CUX2: variants seen among roughly 807,000 people sequenced by gnomAD.
The protein encoded by CUX2 is cut like homeobox 2.
CUX2 carries 40 observed loss-of-function variants against 144.8 expected under a neutral mutation model. The ratio of observed to expected loss-of-function variants is 0.28; its 90% CI spans 0.21 to 0.36. The LOEUF is 0.36. Among genes scored for constraint, CUX2 ranks in the 10% least tolerant of loss-of-function variants. The pLI is 1.00. For missense variants in CUX2, 1,615 were observed against 1,994.0 expected (o/e 0.81, Z 3.62); for synonymous variants, 827 against 875.6 (o/e 0.94, Z 0.98).
Position 111,190,554 on chromosome 12 carries a change from CCT to C in CUX2, c.64-23643_64-23642del, listed in dbSNP as rs921807636. Among the ~76,000 whole-genome samples, 26 of 152,188 alleles carry C rather than the reference CCT, an allele frequency of 1.7e-4. No individual in the cohort carries two copies. The highest frequency in any genetic ancestry group is 6.3e-3 in the Middle Eastern group (2 of 316). ...ATGGTCTTCCTTTTGCATTTTCCCACCTCTTGATGCTTTTTGACTATGAGATG... is the reference window on the plus strand; with the variant it reads ...ATGGTCTTCCTTTTGCATTTTCCCACCTTGATGCTTTTTGACTATGAGATG... On this transcript the variant is annotated intron_variant, in intron 1 of 21. Transcript: ENST00000261726. This position sits in a 1 kb window ranked among gnomAD's most constrained non-coding sequence, Gnocchi z 4.0.
intron 21 of CUX2, among the ~76,000 whole-genome samples, chr12:111,346,829 T>G (rs1003656546): frequency 6.6e-6 from 1 of 152,114 alleles, no homozygotes; most frequent in Non-Finnish European, 1.5e-5. Context: ...CTGGCCAACA[T>G]AGCAAAACAC....
At chr12:111,335,792 A>T (rs1018638761) in intron 19 of CUX2, among the ~76,000 whole-genome samples, 1 of 152,138 alleles carries the variant, frequency 6.6e-6, no homozygotes, top group Non-Finnish European at 1.5e-5. Context: ...GAATGCCTAT[A>T]GTCCTCAGGA....
chr12:111,296,614 G>T, intron 8 of CUX2, 75 bp downstream of exon 8: 1 of 1,381,266 alleles, frequency 7.2e-7, no homozygotes, highest in South Asian at 1.2e-5. Context: ...TGACCCTCCA[G>T]TACTTGCCTC....
chr12:111,099,611 T>C (rs1004954123), intron 1 of CUX2: 2 of 456,552 alleles, frequency 4.4e-6, no homozygotes, highest in African/African-American at 4.0e-5. Context: ...GAGAACAGGA[T>C]TGGACCTGCA....
Position 111,295,334 on chromosome 12 carries a change from G to C in CUX2, c.562G>C (p.Gly188Arg). The C allele has an allele frequency of 3.7e-6, 6 of 1,612,578 alleles. No homozygotes were observed. Among genetic ancestry groups the C allele is most frequent in the Non-Finnish European group, 5.1e-6 (6 of 1,179,448 alleles). Residue 188 changes from glycine to arginine, a missense_variant and splice_region_variant, in exon 7 of 22, where the codon GGC (glycine) becomes CGC (arginine). Physicochemically the swap from Gly to Arg is moderately radical, Grantham distance 125. Transcript: ENST00000261726. This position sits in a 1 kb window ranked among gnomAD's most constrained non-coding sequence, Gnocchi z 5.0. Reference sequence around the variant, plus strand: ...CAAGCAGGCCTCGTCTCTCCGCAGGGGCCTTCAAGAAGTACAGATCACTTT... The same window carrying C: ...CAAGCAGGCCTCGTCTCTCCGCAGGCGCCTTCAAGAAGTACAGATCACTTT... ...LQRNEAEKQK[G>R]LQEVQITLAA...
chr12:111,274,831 C>T (rs868713137), intron 4 of CUX2, among the ~76,000 whole-genome samples: 20 of 152,118 alleles, frequency 1.3e-4, no homozygotes, highest in African/African-American at 4.3e-4. Context: ...TTCTAAACAG[C>T]CTCTCGGACA....
intron 3 of CUX2, among the ~76,000 whole-genome samples, chr12:111,220,335 C>G (rs1215043752): frequency 1.3e-5 from 2 of 152,032 alleles, no homozygotes; most frequent in African/African-American, 4.8e-5. Flanking sequence ...ACTTTCCTAA[C>G]TAGGTGTTGA....
chr12:111,034,262 C>G lies in CUX2; in HGVS notation c.63+22C>G. On this transcript the variant is annotated intron_variant, in intron 1 of 21. Transcript: ENST00000261726. This position sits in a 1 kb window ranked among gnomAD's most constrained non-coding sequence, Gnocchi z 4.2. ...CCAGGTTAGTGCGGGCAGCGCCGGC[C>G]GCGCGGCCGTGAGGAGCCCCCGGGC... is the stretch of plus-strand genomic sequence containing the variant. 1 of 1,328,696 alleles carries G rather than the reference C, an allele frequency of 7.5e-7. No individual in the cohort carries two copies. Among genetic ancestry groups the G allele is most frequent in the Non-Finnish European group, 9.9e-7 (1 of 1,007,038 alleles). The allele number at this position is 1,328,696 out of a possible 1,614,324, so 82.3% of individuals were successfully genotyped here.
chr12:111,221,891 G>C (rs988947265), intron 3 of CUX2, among the ~76,000 whole-genome samples: 3 of 152,094 alleles, frequency 2.0e-5, no homozygotes, highest in Admixed American at 2.0e-4. Context: ...TGCCTTGATT[G>C]CTTAAAGGAC....
rs558678454 is a variant in CUX2, at chr12:111,224,427, G to A, written c.222+6490G>A. Among the ~76,000 whole-genome samples, 96 of 149,804 alleles carry A rather than the reference G, an allele frequency of 6.4e-4. 1 individual carries two copies. Among genetic ancestry groups the A allele is most frequent in the Admixed American group, 3.0e-3 (45 of 15,046 alleles). On this transcript the variant is annotated intron_variant, in intron 3 of 21. Transcript: ENST00000261726. Reference sequence around the variant, plus strand: ...GCCCCCACCCAGCCCCATGTGCTGCGTCCTTCTTTGGTTCCTGTGCCCCCC... The same window carrying A: ...GCCCCCACCCAGCCCCATGTGCTGCATCCTTCTTTGGTTCCTGTGCCCCCC...
chr12:111,283,048 A>G (rs998830242), intron 4 of CUX2, among the ~76,000 whole-genome samples: 2 of 151,650 alleles, frequency 1.3e-5, no homozygotes, highest in Admixed American at 1.3e-4. Flanking sequence ...CCCTGTCTCT[A>G]CTAAAAATAC....
At chr12:111,108,242 C>T (rs1873729741) in intron 1 of CUX2, among the ~76,000 whole-genome samples, 1 of 152,136 alleles carries the variant, frequency 6.6e-6, no homozygotes, top group South Asian at 2.1e-4. Context: ...TGCATTGGAT[C>T]AGGAGGCACC....
chr12:111,263,879 C>T lies in CUX2; in HGVS notation c.301+40C>T. On this transcript the variant is annotated intron_variant, in intron 4 of 21. Coordinates refer to ENST00000261726, the MANE Select transcript of CUX2 (RefSeq NM_015267.4). This position sits in a 1 kb window ranked among gnomAD's most constrained non-coding sequence, Gnocchi z 4.0. The stretch of plus-strand genomic sequence containing the variant: ...GGCTCCGTAATTGAATAGTTAACGA[C>T]AATAAATAGCCATTAGGACTGTGAC... The T allele has an allele frequency of 6.5e-7, 1 of 1,542,710 alleles. No homozygotes were observed. The highest frequency in any genetic ancestry group is 9.0e-7 in the Non-Finnish European group (1 of 1,115,244).
intron 1 of CUX2, among the ~76,000 whole-genome samples, chr12:111,155,804 G>A (rs1337686215): frequency 2.0e-5 from 3 of 151,992 alleles, no homozygotes; most frequent in African/African-American, 7.2e-5. Flanking sequence ...TTAGCGTTTG[G>A]TATTGAATTA....
intron 4 of CUX2, among the ~76,000 whole-genome samples, chr12:111,283,539 G>C (rs1018718641): frequency 5.9e-5 from 9 of 152,174 alleles, no homozygotes; most frequent in Non-Finnish European, 1.0e-4. Flanking sequence ...GGCGTGCTCA[G>C]ATAACCCCAG....
At chr12:111,230,374 C>T (rs1389634888) in intron 3 of CUX2, among the ~76,000 whole-genome samples, 5 of 152,130 alleles carry the variant, frequency 3.3e-5, no homozygotes, top group Admixed American at 1.3e-4. Flanking sequence ...TCAGTGTGGT[C>T]ACCAGGCCAG....
intron 4 of CUX2, among the ~76,000 whole-genome samples, chr12:111,283,015 C>A (rs1885197053): frequency 6.6e-6 from 1 of 151,900 alleles, no homozygotes; most frequent in Non-Finnish European, 1.5e-5. Context: ...GAGTTAGACA[C>A]CAGCCTGGCC....
rs750116675 is a variant in CUX2, at chr12:111,348,079, C to A, written c.4215C>A (p.Gly1405=). The change falls in exon 22 of 22, where the codon GGC becomes GGA. Residue 1405 remains glycine (G), a synonymous_variant. Coordinates refer to ENST00000261726, the MANE Select transcript of CUX2 (RefSeq NM_015267.4). The part of the protein sequence containing the change: ...LNSPSAASSP[G]LMMSVSPVPS... The stretch of plus-strand genomic sequence containing the variant: ...CGCCCTCGGCCGCCTCCTCACCAGG[C>A]CTCATGATGTCTGTGTCACCTGTCC... The A allele has an allele frequency of 1.2e-6, 2 of 1,613,990 alleles. No homozygotes were observed. The highest frequency in any genetic ancestry group is 1.3e-5 in the African/African-American group (1 of 74,896).
At chr12:111,098,414 AAAG>A (rs1316703993) in intron 1 of CUX2, among the ~76,000 whole-genome samples, 1 of 152,046 alleles carries the variant, frequency 6.6e-6, no homozygotes, top group African/African-American at 2.4e-5. Flanking sequence ...AAAAAAAAAA[AAAG>A]AACTGAGTGG....
Sources: gnomAD v4.1 joint callset for allele counts (sites outside exome capture counted in the v4.1 genomes callset) on GRCh38, gnomAD v4.1.1 for gene constraint, Gnocchi (gnomAD v3.1) non-coding constraint, MANE v1.5 for transcripts, NCBI Gene and HGNC (gene_info 2026-07-23, HGNC 2026-07-21) for gene names.